Variants in IGF2BP3 observed in about 807,000 individuals in gnomAD.
The protein encoded by IGF2BP3 is insulin-like growth factor 2 mRNA-binding protein 3.
A neutral mutation model predicts 73.8 loss-of-function variants in IGF2BP3; 9 were observed. The ratio of observed to expected loss-of-function variants is 0.12; its 90% CI spans 0.07 to 0.21. IGF2BP3 has a LOEUF of 0.21. Ranked by LOEUF, IGF2BP3 falls within the 10% of genes least tolerant of loss-of-function variation. The probability of loss-of-function intolerance (pLI) is 1.00; values close to 1 mark genes in which losing one functional copy is unlikely to be tolerated. For synonymous variants in IGF2BP3, 258 were observed against 256.7 expected, an observed-to-expected ratio of 1.01 and a Z score of -0.05; for missense variants, 542 against 714.0, an observed-to-expected ratio of 0.76 and a Z score of 2.75.
intron 2 of IGF2BP3, among the ~76,000 whole-genome samples, chr7:23,449,239 C>T (rs1288737783): frequency 1.3e-5 from 2 of 151,918 alleles, no homozygotes; most frequent in East Asian, 1.9e-4. Flanking sequence ...TGATACAGGC[C>T]GGGCGTGGTG....
intron 2 of IGF2BP3, among the ~76,000 whole-genome samples, chr7:23,428,574 G>T (rs1787585015): frequency 2.7e-5 from 4 of 150,272 alleles, no homozygotes; most frequent in African/African-American, 9.7e-5. Flanking sequence ...GGGTATGGTG[G>T]TACATACTTG....
Position 23,317,624 on chromosome 7 carries a change from C to T in IGF2BP3, c.1395+15G>A. 2 of 1,609,364 alleles carry T rather than the reference C, an allele frequency of 1.2e-6. No homozygotes were observed. Among genetic ancestry groups the T allele is most frequent in the Non-Finnish European group, 1.7e-6 (2 of 1,175,644 alleles). ...TTGTTACCTGTGGACATAGCACATA[C>T]TCTAGAGCACATACCTTGAACTGAG... On this transcript the variant is annotated intron_variant, in intron 12 of 14. Transcript: ENST00000258729.
intron 2 of IGF2BP3, among the ~76,000 whole-genome samples, chr7:23,431,667 C>G (rs1211866655): frequency 6.6e-6 from 1 of 152,044 alleles, no homozygotes; most frequent in Non-Finnish European, 1.5e-5. Context: ...AGGTCCCCTA[C>G]ACCGTAAAAT....
At chr7:23,326,187 C>T (rs1234075149) in intron 10 of IGF2BP3, among the ~76,000 whole-genome samples, 1 of 143,732 alleles carries the variant, frequency 7.0e-6, no homozygotes, top group African/African-American at 2.6e-5. Context: ...GGTTAATATC[C>T]AGAATCTACA....
intron 3 of IGF2BP3, among the ~76,000 whole-genome samples, chr7:23,366,918 CA>C: frequency 6.6e-6 from 1 of 151,560 alleles, no homozygotes. Context: ...CAAATGGTAT[CA>C]TGCCACTCCA....
At chr7:23,375,389 A>T (rs1785686482) in intron 3 of IGF2BP3, among the ~76,000 whole-genome samples, 1 of 152,050 alleles carries the variant, frequency 6.6e-6, no homozygotes, top group Non-Finnish European at 1.5e-5. Context: ...GGGTCCCCCA[A>T]CATGCCACAC....
chr7:23,418,086 T>A (rs1400304897), intron 3 of IGF2BP3, among the ~76,000 whole-genome samples: 1 of 152,208 alleles, frequency 6.6e-6, no homozygotes, highest in South Asian at 2.1e-4. Context: ...AAGACTAGTC[T>A]AAAACACACA....
intron 5 of IGF2BP3, among the ~76,000 whole-genome samples, chr7:23,360,635 CTGAG>C (rs1206673659): frequency 6.6e-6 from 1 of 152,234 alleles, no homozygotes; most frequent in East Asian, 1.9e-4. Flanking sequence ...ATAGTCCCTC[CTGAG>C]TGAGTACTGC....
intron 3 of IGF2BP3, among the ~76,000 whole-genome samples, chr7:23,391,648 T>G (rs958932566): frequency 3.3e-5 from 5 of 152,192 alleles, no homozygotes; most frequent in African/African-American, 7.2e-5. Context: ...GACATCTACT[T>G]AGAATCAAGT....
At chr7:23,437,630 T>G (rs1423724505) in intron 2 of IGF2BP3, among the ~76,000 whole-genome samples, 1 of 152,202 alleles carries the variant, frequency 6.6e-6, no homozygotes, top group Non-Finnish European at 1.5e-5. Flanking sequence ...CTGCTGTACA[T>G]GAAAAGTTAC....
chr7:23,347,274 C>T (rs888231698), intron 7 of IGF2BP3, among the ~76,000 whole-genome samples: 4 of 152,100 alleles, frequency 2.6e-5, no homozygotes, highest in East Asian at 1.9e-4. Flanking sequence ...CAATGAGCTC[C>T]GAGTAAAGGA....
intron 6 of IGF2BP3, among the ~76,000 whole-genome samples, chr7:23,350,970 C>G (rs1784944054): frequency 6.6e-6 from 1 of 152,114 alleles, no homozygotes; most frequent in Non-Finnish European, 1.5e-5. Context: ...CTTCCAAAAA[C>G]AATGAGGGCA....
chr7:23,441,486 T>A (rs1190752244), intron 2 of IGF2BP3, among the ~76,000 whole-genome samples: 1 of 143,876 alleles, frequency 7.0e-6, no homozygotes, highest in Non-Finnish European at 1.5e-5. Context: ...GGCAGGAGAA[T>A]CGCTTGAACC....
At chr7:23,413,298 T>C (rs1218599463) in intron 3 of IGF2BP3, 1 of 151,954 alleles carries the variant, frequency 6.6e-6, no homozygotes, top group Non-Finnish European at 1.5e-5. Flanking sequence ...CTGGTCAACA[T>C]GGTGTAGCCC....
At chr7:23,321,323 G>C (rs1049007446) in intron 10 of IGF2BP3, among the ~76,000 whole-genome samples, 1 of 152,234 alleles carries the variant, frequency 6.6e-6, no homozygotes, top group Admixed American at 6.5e-5. Flanking sequence ...ACGGCACCTG[G>C]AAAATCGGGT....
chr7:23,426,686 G>C (rs942080090), intron 2 of IGF2BP3, among the ~76,000 whole-genome samples: 1 of 152,180 alleles, frequency 6.6e-6, no homozygotes, highest in South Asian at 2.1e-4. Flanking sequence ...GTTGTAGTTA[G>C]ATCCAAAGGC....
intron 7 of IGF2BP3, among the ~76,000 whole-genome samples, chr7:23,346,312 G>C (rs1305508238): frequency 1.3e-5 from 2 of 152,106 alleles, no homozygotes; most frequent in African/African-American, 4.8e-5. Context: ...TTCAGTGATG[G>C]AGTCTCTTAC....
chr7:23,353,575 C>A (rs1162419166), intron 5 of IGF2BP3, among the ~76,000 whole-genome samples: 2 of 152,222 alleles, frequency 1.3e-5, no homozygotes, highest in African/African-American at 4.8e-5. Flanking sequence ...ACAAATGGAC[C>A]AGTCCTTTCT....
At chr7:23,368,016 A>C (rs932185591) in intron 3 of IGF2BP3, among the ~76,000 whole-genome samples, 2 of 152,112 alleles carry the variant, frequency 1.3e-5, no homozygotes, top group African/African-American at 4.8e-5. Context: ...AACAAAAAAA[A>C]ACAAAAAAAC....
Sources: gnomAD v4.1 joint callset for allele counts (sites outside exome capture counted in the v4.1 genomes callset) on GRCh38, gnomAD v4.1.1 for gene constraint, MANE v1.5 for transcripts, NCBI Gene and HGNC (gene_info 2026-07-23, HGNC 2026-07-21) for gene names.